The following TCF20 variants were observed in gnomAD, a reference collection of about 807,000 sequenced individuals.
The protein encoded by TCF20 is SPRE-binding protein.
A neutral mutation model predicts 148.6 loss-of-function variants in TCF20; 3 were observed. That is an observed-to-expected ratio of 0.02 (90% CI 0.01 to 0.05). The LOEUF (loss-of-function observed/expected upper bound fraction) is 0.05. Among genes scored for constraint, TCF20 ranks in the 10% least tolerant of loss-of-function variants. The pLI, the probability that TCF20 is intolerant of heterozygous loss-of-function variation, is 1.00. For synonymous variants in TCF20, 1,049 were observed against 909.5 expected (o/e 1.15, Z -2.76); for missense variants, 2,350 against 2,429.3 (o/e 0.97, Z 0.69).
chr22:42,216,313 T>A (rs538271906), intron 1 of TCF20, among the ~76,000 whole-genome samples: 16 of 152,208 alleles, frequency 1.1e-4, no homozygotes, highest in South Asian at 2.1e-4. Flanking sequence ...TGGCTGCTGA[T>A]CGCCACTCCC....
At chr22:42,324,100 ATGG>A (rs1371007389) in intron 1 of TCF20, among the ~76,000 whole-genome samples, 1 of 8,728 alleles carries the variant, frequency 1.1e-4, no homozygotes, top group Admixed American at 1.7e-3. Flanking sequence ...GATGGAGGTT[ATGG>A]TGGTGGTGGT....
chr22:42,174,215 T>C (rs988861072), intron 3 of TCF20, among the ~76,000 whole-genome samples: 2 of 151,924 alleles, frequency 1.3e-5, no homozygotes, highest in Admixed American at 6.6e-5. Context: ...CCACTTAAGT[T>C]TACATTAAAA....
rs1373527534 is a variant in TCF20, at chr22:42,183,926, G to A, written c.5656-4224C>T. ...TGGGATTACAGGCACCTGCCACCAC[G>A]CCCAGCTAATCTTTGTATTTTTAGT... On this transcript the variant is annotated intron_variant, in intron 2 of 5. Coordinates refer to ENST00000677622, the MANE Select transcript of TCF20 (RefSeq NM_001378418.1). 4.0e-5 allele frequency among the ~76,000 whole-genome samples: 6 copies of A among 151,866 alleles called. No individual in the cohort carries two copies. The East Asian group carries it at 7.7e-4, about 20-fold the overall frequency.
chr22:42,307,187 G>A (rs906052203), intron 1 of TCF20, among the ~76,000 whole-genome samples: 6 of 152,194 alleles, frequency 3.9e-5, no homozygotes, highest in Admixed American at 2.6e-4. Context: ...AGAGGACGCC[G>A]GCTGCAGTAG....
intron 1 of TCF20, among the ~76,000 whole-genome samples, chr22:42,337,011 G>A (rs1452689288): frequency 1.3e-5 from 2 of 152,186 alleles, no homozygotes; most frequent in African/African-American, 2.4e-5. Context: ...GTGGCTGTGC[G>A]TGAAGAGTCA....
At chr22:42,194,079 TG>T (rs1219828577) in intron 2 of TCF20, among the ~76,000 whole-genome samples, 2 of 152,154 alleles carry the variant, frequency 1.3e-5, no homozygotes, top group Non-Finnish European at 2.9e-5. Context: ...AGGCAACAAC[TG>T]GGTGTTTGCT....
At chr22:42,195,300 C>T (rs1318384566) in intron 2 of TCF20, among the ~76,000 whole-genome samples, 1 of 151,622 alleles carries the variant, frequency 6.6e-6, no homozygotes, top group Admixed American at 6.6e-5. Flanking sequence ...ACCTGTTCCT[C>T]TGCCTTACAA....
intron 5 of TCF20, among the ~76,000 whole-genome samples, chr22:42,162,706 T>C (rs1283659038): frequency 6.6e-6 from 1 of 152,114 alleles, no homozygotes; most frequent in Admixed American, 6.5e-5. Flanking sequence ...CAAGACCAAT[T>C]TGGTGCCCTC....
chr22:42,188,227 G>C (rs1457277305), intron 2 of TCF20, among the ~76,000 whole-genome samples: 2 of 141,202 alleles, frequency 1.4e-5, no homozygotes, highest in Non-Finnish European at 3.0e-5. Context: ...CTGGGAGGTG[G>C]AGGTTGCAGT....
intron 1 of TCF20, among the ~76,000 whole-genome samples, chr22:42,256,163 G>C (rs1374214467): frequency 6.6e-6 from 1 of 152,002 alleles, no homozygotes; most frequent in Non-Finnish European, 1.5e-5. Flanking sequence ...CTCTTGCCTA[G>C]TTCTCCCCAG....
intron 5 of TCF20, among the ~76,000 whole-genome samples, chr22:42,164,309 G>C (rs1413170750): frequency 1.3e-5 from 2 of 150,252 alleles, no homozygotes; most frequent in Non-Finnish European, 2.9e-5. Flanking sequence ...CCACGTCCCG[G>C]GTTCATGCCA....
chr22:42,252,449 C>G (rs1243611419), intron 1 of TCF20, among the ~76,000 whole-genome samples: 6 of 151,990 alleles, frequency 3.9e-5, no homozygotes, highest in African/African-American at 1.2e-4. Flanking sequence ...TATCCACACA[C>G]AAGACAGTTT....
intron 2 of TCF20, among the ~76,000 whole-genome samples, chr22:42,189,212 G>A (rs1469835715): frequency 6.6e-6 from 1 of 152,194 alleles, no homozygotes; most frequent in Non-Finnish European, 1.5e-5. Flanking sequence ...CATAGACTTC[G>A]AAGGTAAAAC....
intron 1 of TCF20, among the ~76,000 whole-genome samples, chr22:42,219,461 GTAA>G (rs1170272636): frequency 1.3e-5 from 2 of 149,178 alleles, no homozygotes; most frequent in African/African-American, 5.0e-5. Context: ...ACTGTGATTA[GTAA>G]TAATAAGTGC....
intron 1 of TCF20, among the ~76,000 whole-genome samples, chr22:42,311,674 C>T (rs1374343094): frequency 6.6e-6 from 1 of 152,146 alleles, no homozygotes; most frequent in African/African-American, 2.4e-5. Context: ...TGCCTCAGTC[C>T]CCTCCCCTGC....
At chr22:42,228,471 A>C (rs372306297) in intron 1 of TCF20, among the ~76,000 whole-genome samples, 6 of 152,212 alleles carry the variant, frequency 3.9e-5, no homozygotes, top group Admixed American at 1.3e-4. Context: ...ACTTTATTCA[A>C]ATGAAGACAA....
At chr22:42,306,954 G>C (rs1417722048) in intron 1 of TCF20, among the ~76,000 whole-genome samples, 1 of 150,930 alleles carries the variant, frequency 6.6e-6, no homozygotes, top group Non-Finnish European at 1.5e-5. Context: ...CACGAGAATC[G>C]CTTGACCCTG....
chr22:42,306,826 G>A (rs1394415679), intron 1 of TCF20, among the ~76,000 whole-genome samples: 4 of 152,074 alleles, frequency 2.6e-5, no homozygotes, highest in Non-Finnish European at 4.4e-5. Context: ...ATCACCTGAG[G>A]TCAGGAGTTC....
chr22:42,250,237 G>A (rs1413673341), intron 1 of TCF20, among the ~76,000 whole-genome samples: 1 of 152,064 alleles, frequency 6.6e-6, no homozygotes, highest in African/African-American at 2.4e-5. Context: ...TCAGGAGTTC[G>A]AGGCCAGCCT....
Sources: gnomAD v4.1 joint callset for allele counts (sites outside exome capture counted in the v4.1 genomes callset) on GRCh38, gnomAD v4.1.1 for gene constraint, MANE v1.5 for transcripts, NCBI Gene and HGNC (gene_info 2026-07-23, HGNC 2026-07-21) for gene names.